The following CBX3 variants were observed in gnomAD, a reference collection of about 807,000 sequenced individuals.
CBX3 encodes chromobox 3.
Under a neutral mutation model 22.6 loss-of-function variants are expected in CBX3, and 5 were observed. The observed-to-expected ratio is 0.22, with a 90% confidence interval of 0.12 to 0.47. The LOEUF (loss-of-function observed/expected upper bound fraction) is 0.47. CBX3 is among the 20% of genes least tolerant of loss of function. CBX3 has a pLI of 0.99. For missense variants in CBX3, 83 were observed against 208.1 expected, an observed-to-expected ratio of 0.40 and a Z score of 3.70; for synonymous variants, 50 against 66.6, an observed-to-expected ratio of 0.75 and a Z score of 1.21.
chr7:26,209,032 G>C (rs10279561), intron 4 of CBX3, among the ~76,000 whole-genome samples: 1 of 138,714 alleles, frequency 7.2e-6, no homozygotes, highest in South Asian at 2.4e-4. Flanking sequence ...TCCGCCTCCA[G>C]AGTAGCTGGG....
In CBX3 at chr7:26,212,557, C is replaced by G. The variant is rs1784827883; in HGVS notation, c.*349C>G. On this transcript the variant is annotated 3_prime_UTR_variant, in exon 6 of 6. Coordinates refer to ENST00000396386, the MANE Select transcript of CBX3 (RefSeq NM_016587.4). ...ACTTGTGTTCTCATGAGCCTAAGGACCATTCTAGATTTATTACGTGTTTTT... is the reference window on the plus strand; with the variant it reads ...ACTTGTGTTCTCATGAGCCTAAGGAGCATTCTAGATTTATTACGTGTTTTT... The G allele has an allele frequency of 1.3e-5, 2 of 152,560 alleles. No homozygotes were observed. Among genetic ancestry groups the G allele is most frequent in the African/African-American group, 4.9e-5 (2 of 41,220 alleles). The allele number at this position is 152,560 out of a possible 1,614,324, so 9.5% of individuals were successfully genotyped here.
intron 2 of CBX3, among the ~76,000 whole-genome samples, chr7:26,203,602 G>A (rs559297760): frequency 6.6e-6 from 1 of 152,106 alleles, no homozygotes; most frequent in East Asian, 1.9e-4. Flanking sequence ...GGGAGAAAAG[G>A]CTAGATTTTT....
Position 26,212,273 on chromosome 7 carries a change from T to C in CBX3, c.*65T>C. 1 of 963,428 alleles carries C rather than the reference T, an allele frequency of 1.0e-6. No individual in the cohort carries two copies. Among genetic ancestry groups the C allele is most frequent in the Non-Finnish European group, 1.3e-6 (1 of 753,890 alleles). The allele number at this position is 963,428 out of a possible 1,614,324, so 59.7% of individuals were successfully genotyped here. A position where few individuals can be genotyped will look rare whatever the true frequency, so the allele number is the denominator to read the frequency against. The stretch of plus-strand genomic sequence containing the variant: ...ATAAAAATTGGGTCTTAGATTTTGA[T>C]TTACTAGTGTGACAAAATAACTACA... On this transcript the variant is annotated 3_prime_UTR_variant, in exon 6 of 6. Coordinates refer to ENST00000396386, the MANE Select transcript of CBX3 (RefSeq NM_016587.4).
intron 4 of CBX3, among the ~76,000 whole-genome samples, chr7:26,209,649 A>G (rs1441608628): frequency 6.6e-6 from 1 of 152,108 alleles, no homozygotes; most frequent in Non-Finnish European, 1.5e-5. Context: ...GAATTGAGAC[A>G]TTCAGTTCAT....
intron 2 of CBX3, among the ~76,000 whole-genome samples, chr7:26,203,724 A>C (rs1011897934): frequency 1.3e-5 from 2 of 152,188 alleles, no homozygotes; most frequent in South Asian, 2.1e-4. Context: ...ACATTGCATT[A>C]ATCTTAAACA....
chr7:26,207,040 A>G (rs895342085), intron 3 of CBX3, among the ~76,000 whole-genome samples: 12 of 152,208 alleles, frequency 7.9e-5, no homozygotes, highest in African/African-American at 2.7e-4. Context: ...CAAAATGTGA[A>G]TAACTTGAAC....
chr7:26,211,195 T>G (rs1784796511), intron 4 of CBX3, among the ~76,000 whole-genome samples: 1 of 152,220 alleles, frequency 6.6e-6, no homozygotes, highest in South Asian at 2.1e-4. Context: ...TGTTCTAACA[T>G]TTACTATCAT....
rs1784846955 is a variant in CBX3, at chr7:26,213,086, T to A, written c.*878T>A. The A allele has an allele frequency of 6.6e-6, 1 of 152,396 alleles. No homozygotes were observed. Among genetic ancestry groups the A allele is most frequent in the Non-Finnish European group, 1.5e-5 (1 of 68,060 alleles). The allele number at this position is 152,396 out of a possible 1,614,324, so 9.4% of individuals were successfully genotyped here. A position where few individuals can be genotyped will look rare whatever the true frequency, so the allele number is the denominator to read the frequency against. On this transcript the variant is annotated 3_prime_UTR_variant, in exon 6 of 6. Transcript: ENST00000396386. ...ATGTAAGACTTGGCTCATAGAAACC[T>A]AATCAGATGGTTAGAGGTGTTGGCA...
intron 2 of CBX3, 192 bp from the exon 3 acceptor site, chr7:26,206,176 C>A: frequency 4.0e-6 from 2 of 503,582 alleles, no homozygotes; most frequent in East Asian, 6.7e-5. Context: ...TAAGTTTGAA[C>A]TAAATGAACA....
At chr7:26,202,616 T>C (rs1784560878) in intron 1 of CBX3, 1 of 241,458 alleles carries the variant, frequency 4.1e-6, no homozygotes, top group Non-Finnish European at 8.0e-6. Flanking sequence ...CGTTGTGAGT[T>C]GTTTGGGTAA....
intron 3 of CBX3, 161 bp from the exon 4 acceptor site, chr7:26,208,232 A>G (rs1784724251): frequency 4.1e-6 from 2 of 491,520 alleles, no homozygotes; most frequent in Non-Finnish European, 7.3e-6. Context: ...TGGCGGAGGC[A>G]GGCTGGGGGG....
At chr7:26,208,364 CTT>C (rs376082347) in intron 3 of CBX3, 27 bp from the exon 4 acceptor site, 779 of 1,166,390 alleles carry the variant, frequency 6.7e-4, no homozygotes, top group South Asian at 1.3e-3. Flanking sequence ...ATTCAATCAC[CTT>C]TTTTTTTTTT....
rs773511953 is a variant in CBX3 at position 26,208,599 on chromosome 7, G to T, written c.330+44G>T. 2.6e-6 allele frequency: 4 copies of T among 1,520,250 alleles called. No homozygotes were observed. The African/African-American group carries it at 5.6e-5, about 21-fold the overall frequency. 94.2% of individuals were successfully genotyped at this position (1,520,250 alleles called of 1,614,324 possible). ...CCACCAGCTTGTCCTTTTGTAAAAG[G>T]TTGATGGCTTGATTTCTTTTTTGTT... On this transcript the variant is annotated intron_variant, in intron 4 of 5. Coordinates refer to ENST00000396386, the MANE Select transcript of CBX3 (RefSeq NM_016587.4).
intron 2 of CBX3, among the ~76,000 whole-genome samples, chr7:26,203,885 C>T (rs1265852541): frequency 1.3e-5 from 2 of 152,074 alleles, no homozygotes; most frequent in African/African-American, 4.8e-5. Context: ...GTTTACCCTG[C>T]ATTAGATTCT....
chr7:26,211,988 C>A, intron 5 of CBX3, 94 bp from the exon 6 acceptor site: 1 of 1,169,234 alleles, frequency 8.6e-7, no homozygotes, highest in Non-Finnish European at 1.2e-6. Flanking sequence ...CACTTCAATA[C>A]CTTTTGTTTG....
At chr7:26,203,467 C>T (rs961227541) in intron 2 of CBX3, among the ~76,000 whole-genome samples, 17 of 152,168 alleles carry the variant, frequency 1.1e-4, no homozygotes, top group African/African-American at 3.9e-4. Context: ...TTGAATCTTT[C>T]AAATTACTTT....
At chr7:26,209,154 G>A (rs112074869) in intron 4 of CBX3, among the ~76,000 whole-genome samples, 2,280 of 151,932 alleles carry the variant, frequency 0.015, 32 homozygotes, top group Middle Eastern at 0.075. Context: ...TGATCCACCC[G>A]CCTCGGCCTC....
intron 2 of CBX3, chr7:26,206,162 G>C (rs577791907): frequency 2.9e-5 from 14 of 486,178 alleles, no homozygotes; most frequent in Non-Finnish European, 5.0e-5. Context: ...TTGGTGGTGG[G>C]TTGTAAGTTT....
chr7:26,204,028 C>T (rs1204345092), intron 2 of CBX3, among the ~76,000 whole-genome samples: 1 of 152,118 alleles, frequency 6.6e-6, no homozygotes, highest in Non-Finnish European at 1.5e-5. Flanking sequence ...TCTTAACTTT[C>T]CATTTTAAAA....
Sources: allele counts gnomAD v4.1 joint callset (sites outside exome capture counted in the v4.1 genomes callset), GRCh38; gene constraint gnomAD v4.1.1; transcripts MANE v1.5; gene names NCBI Gene and HGNC (gene_info 2026-07-23, HGNC 2026-07-21).